ID4: variants seen among roughly 807,000 people sequenced by gnomAD.
ID4 encodes inhibitor of DNA binding 4.
A neutral mutation model predicts 8.6 loss-of-function variants in ID4; 9 were observed. The ratio of observed to expected loss-of-function variants is 1.04; its 90% CI spans 0.63 to 1.82. The LOEUF is 1.82. ID4 is among the 40% of genes most tolerant of loss of function. The pLI is 0.00. For missense variants in ID4, 270 were observed against 235.1 expected, an observed-to-expected ratio of 1.15 and a Z score of -0.97; for synonymous variants, 180 against 118.0, an observed-to-expected ratio of 1.53 and a Z score of -3.41.
rs1190569463 is a variant in ID4 at position 19,842,060 on chromosome 6, T to C, written c.*2865T>C. On this transcript the variant is annotated 3_prime_UTR_variant, in exon 3 of 3. Transcript: ENST00000378700. The stretch of plus-strand genomic sequence containing the variant: ...ATACCTTTTCATTTCAAAGAACTAA[T>C]ATACTTTGATATTGTGTAAACCTTA... Among the ~76,000 whole-genome samples the C allele has an allele frequency of 1.3e-5, 2 of 152,238 alleles. No homozygotes were observed. Among genetic ancestry groups the C allele is most frequent in the Non-Finnish European group, 1.5e-5 (1 of 68,044 alleles).
rs1761247615 is a variant in ID4 at position 19,837,690 on chromosome 6, G to A, written c.-65G>A. 3 of 1,048,008 alleles carry A rather than the reference G, an allele frequency of 2.9e-6. No individual in the cohort carries two copies. Among genetic ancestry groups the A allele is most frequent in the Non-Finnish European group, 3.5e-6 (3 of 864,036 alleles). 64.9% of individuals were successfully genotyped at this position (1,048,008 alleles called of 1,614,324 possible). A position where few individuals can be genotyped will look rare whatever the true frequency, so the allele number is the denominator to read the frequency against. The stretch of plus-strand genomic sequence containing the variant: ...GCGGAGCCGGCCGCGGACGGGGCCC[G>A]GAGCTTGCCTGCCTCCCTCGCTCGC... On this transcript the variant is annotated 5_prime_UTR_variant, in exon 1 of 3. Transcript: ENST00000378700.
rs148659392 is a variant in ID4, at chr6:19,838,625, C to T, written c.483C>T (p.Arg161=). ...VNKQGDSILC[R] ...AGCAGGGCGACAGCATTCTGTGCCG[C>T]TGAGCCGCGCTGTCCAGGTGAGCGC... is the stretch of plus-strand genomic sequence containing the variant. Residue 161 remains arginine, a synonymous_variant, in exon 2 of 3, where the codon CGC becomes CGT. Coordinates refer to ENST00000378700, the MANE Select transcript of ID4 (RefSeq NM_001546.4). The T allele has an allele frequency of 1.7e-4, 271 of 1,613,806 alleles. No homozygotes were observed. Among genetic ancestry groups the T allele is most frequent in the Non-Finnish European group, 1.7e-4 (204 of 1,179,904 alleles).
At position 19,840,657 on chromosome 6, in the gene ID4, ATATT is replaced by A. The variant is rs1761342329; in HGVS notation, c.*1463_*1466del. On this transcript the variant is annotated 3_prime_UTR_variant, in exon 3 of 3. Transcript: ENST00000378700. ...TGTGATGTGTAACTTTTACATGTGA[ATATT>A]AAAGTAGATTTCTCTGTCTTGTACT... 2 of 152,476 alleles carry A rather than the reference ATATT, an allele frequency of 1.3e-5. No individual in the cohort carries two copies. The highest frequency in any genetic ancestry group is 1.3e-4 in the Admixed American group (2 of 15,288). The allele number at this position is 152,476 out of a possible 1,614,324, so 9.4% of individuals were successfully genotyped here. A position where few individuals can be genotyped will look rare whatever the true frequency, so the allele number is the denominator to read the frequency against.
Position 19,842,162 on chromosome 6 carries a change from T to TTGCCTTC in ID4, c.*2969_*2975dup, listed in dbSNP as rs769253105. The stretch of plus-strand genomic sequence containing the variant: ...CGAGCCCACAAATCTATTGTATTAG[T>TTGCCTTC]TGCCTTCTATAACAATAAATCTTCA... On this transcript the variant is annotated 3_prime_UTR_variant, in exon 3 of 3. Transcript: ENST00000378700. Among the ~76,000 whole-genome samples the TTGCCTTC allele has an allele frequency of 8.5e-5, 13 of 152,240 alleles. No individual in the cohort carries two copies. Among genetic ancestry groups the TTGCCTTC allele is most frequent in the Non-Finnish European group, 1.8e-4 (12 of 68,042 alleles).
rs966304487 is a variant in ID4 at position 19,837,586 on chromosome 6, C to T, written c.-169C>T. 37 of 308,096 alleles carry T rather than the reference C, an allele frequency of 1.2e-4. No individual in the cohort carries two copies. The highest frequency in any genetic ancestry group is 1.3e-4 in the Non-Finnish European group (26 of 193,472). 19.1% of individuals were successfully genotyped at this position (308,096 alleles called of 1,614,324 possible). A position where few individuals can be genotyped will look rare whatever the true frequency, so the allele number is the denominator to read the frequency against. ...CTGAGCAAAGATTCCCTCGTAAAACCCAGAGCGACCCTCCCGTCAATTGTT... is the reference window on the plus strand; with the variant it reads ...CTGAGCAAAGATTCCCTCGTAAAACTCAGAGCGACCCTCCCGTCAATTGTT... On this transcript the variant is annotated 5_prime_UTR_variant, in exon 1 of 3. Coordinates refer to ENST00000378700, the MANE Select transcript of ID4 (RefSeq NM_001546.4).
chr6:19,840,509 A>G lies in ID4; in HGVS notation c.*1314A>G, dbSNP rs1761338495. Reference sequence around the variant, plus strand: ...AATGGCAAATCCTTCAAGCAGGGATAAAAGTCGATCTTCAAACATTAACTT... The same window carrying G: ...AATGGCAAATCCTTCAAGCAGGGATGAAAGTCGATCTTCAAACATTAACTT... On this transcript the variant is annotated 3_prime_UTR_variant, in exon 3 of 3. Coordinates refer to ENST00000378700, the MANE Select transcript of ID4 (RefSeq NM_001546.4). 1 of 152,602 alleles carries G rather than the reference A, an allele frequency of 6.6e-6. No homozygotes were observed. 9.5% of individuals were successfully genotyped at this position (152,602 alleles called of 1,614,324 possible). A position where few individuals can be genotyped will look rare whatever the true frequency, so the allele number is the denominator to read the frequency against.
rs1349719032 is a variant in ID4, at chr6:19,842,130, AAAAT to A, written c.*2936_*2939del. Reference sequence around the variant, plus strand: ...TTTAACTGCCTTTTTAGAACTTTTTAAAATTTCGAGCCCACAAATCTATTGTATT... The same window carrying A: ...TTTAACTGCCTTTTTAGAACTTTTTATTCGAGCCCACAAATCTATTGTATT... On this transcript the variant is annotated 3_prime_UTR_variant, in exon 3 of 3. Transcript: ENST00000378700. Among the ~76,000 whole-genome samples, 6 of 152,230 alleles carry A rather than the reference AAAAT, an allele frequency of 3.9e-5. No homozygotes were observed. The highest frequency in any genetic ancestry group is 1.3e-4 in the Admixed American group (2 of 15,290).
Position 19,838,133 on chromosome 6 carries a change from C to G in ID4, c.379C>G (p.Pro127Ala), listed in dbSNP as rs767554782. 43 of 1,567,966 alleles carry G rather than the reference C, an allele frequency of 2.7e-5. No homozygotes were observed. In the East Asian group the frequency reaches 7.9e-4, roughly 29 times the overall value. ...ACCACCGCCCGCGCCGCCACACCAC[C>G]CGGCCGGGACCTGTCCAGCCGCGCC... ...QPPPPAPPHHPAGTCPAAPPR... is the reference protein window; with the variant it reads ...QPPPPAPPHHAAGTCPAAPPR... Residue 127 changes from proline (P) to alanine (A), a missense_variant, in exon 1 of 3, where the codon CCG (proline) becomes GCG (alanine). Physicochemically the swap from Pro to Ala is conservative, Grantham distance 27 (BLOSUM62 -1). Around this residue, in one of 3 missense-constraint regions of ID4, gnomAD observed 107 missense variants for 81.0 expected, o/e 1.32. Coordinates refer to ENST00000378700, the MANE Select transcript of ID4 (RefSeq NM_001546.4).
In ID4 at chr6:19,837,713, C is replaced by A. The variant is rs1420355511; in HGVS notation, c.-42C>A. ...CCGGAGCTTGCCTGCCTCCCTCGCT[C>A]GCCCCAGCGGGTTCGCTCGCGTAGA... On this transcript the variant is annotated 5_prime_UTR_variant, in exon 1 of 3. Transcript: ENST00000378700. The A allele has an allele frequency of 6.4e-6, 7 of 1,092,662 alleles. No homozygotes were observed. Among genetic ancestry groups the A allele is most frequent in the Admixed American group, 5.2e-5 (1 of 19,096 alleles). 67.7% of individuals were successfully genotyped at this position (1,092,662 alleles called of 1,614,324 possible).
In ID4 at chr6:19,839,719, A is replaced by T. The variant is rs770326502; in HGVS notation, c.*524A>T. Reference sequence around the variant, plus strand: ...CATATTGTATAGATAAATGAGTGACATTTCATACCATGTATATATAGAGAT... The same window carrying T: ...CATATTGTATAGATAAATGAGTGACTTTTCATACCATGTATATATAGAGAT... On this transcript the variant is annotated 3_prime_UTR_variant, in exon 3 of 3. Transcript: ENST00000378700. 1 of 152,552 alleles carries T rather than the reference A, an allele frequency of 6.6e-6. No homozygotes were observed. Among genetic ancestry groups the T allele is most frequent in the Non-Finnish European group, 1.5e-5 (1 of 68,036 alleles). The allele number at this position is 152,552 out of a possible 1,614,324, so 9.4% of individuals were successfully genotyped here.
rs562604752 is a variant in ID4 at position 19,840,609 on chromosome 6, C to T, written c.*1414C>T. On this transcript the variant is annotated 3_prime_UTR_variant, in exon 3 of 3. Coordinates refer to ENST00000378700, the MANE Select transcript of ID4 (RefSeq NM_001546.4). ...AATGATTTTCACTATAGCTATGTTACGCTAAGCTACTGTCCAATCTCTTGT... is the reference window on the plus strand; with the variant it reads ...AATGATTTTCACTATAGCTATGTTATGCTAAGCTACTGTCCAATCTCTTGT... The T allele has an allele frequency of 4.6e-5, 7 of 152,606 alleles. No individual in the cohort carries two copies. Among genetic ancestry groups the T allele is most frequent in the South Asian group, 2.1e-4 (1 of 4,822 alleles). The allele number at this position is 152,606 out of a possible 1,614,324, so 9.5% of individuals were successfully genotyped here. A position where few individuals can be genotyped will look rare whatever the true frequency, so the allele number is the denominator to read the frequency against.
At chr6:19,838,739 C>A in intron 2 of ID4, 97 bp downstream of exon 2, 4 of 1,064,304 alleles carry the variant, frequency 3.8e-6, no homozygotes, top group South Asian at 1.4e-5. Context: ...TTGCCCCCAG[C>A]GTTTCTGAGA....
At position 19,842,110 on chromosome 6, in the gene ID4, C is replaced by T. The variant is rs1159839118; in HGVS notation, c.*2915C>T. 2.0e-5 allele frequency among the ~76,000 whole-genome samples: 3 copies of T among 152,210 alleles called. No individual in the cohort carries two copies. Among genetic ancestry groups the T allele is most frequent in the African/African-American group, 7.2e-5 (3 of 41,464 alleles). ...ACTCAAGTTTATTGTCAAGCTTTAA[C>T]TGCCTTTTTAGAACTTTTTAAAATT... On this transcript the variant is annotated 3_prime_UTR_variant, in exon 3 of 3. Transcript: ENST00000378700.
chr6:19,840,510 A>G lies in ID4; in HGVS notation c.*1315A>G, dbSNP rs1033510545. Reference sequence around the variant, plus strand: ...ATGGCAAATCCTTCAAGCAGGGATAAAAGTCGATCTTCAAACATTAACTTA... The same window carrying G: ...ATGGCAAATCCTTCAAGCAGGGATAGAAGTCGATCTTCAAACATTAACTTA... On this transcript the variant is annotated 3_prime_UTR_variant, in exon 3 of 3. Coordinates refer to ENST00000378700, the MANE Select transcript of ID4 (RefSeq NM_001546.4). The G allele has an allele frequency of 2.6e-5, 4 of 152,608 alleles. No homozygotes were observed. Among genetic ancestry groups the G allele is most frequent in the African/African-American group, 9.6e-5 (4 of 41,454 alleles). 9.5% of individuals were successfully genotyped at this position (152,608 alleles called of 1,614,324 possible).
At position 19,837,631 on chromosome 6, in the gene ID4, T is replaced by C; in HGVS notation, c.-124T>C. 1.8e-6 allele frequency: 1 copy of C among 561,124 alleles called. No homozygotes were observed. Among genetic ancestry groups the C allele is most frequent in the Non-Finnish European group, 2.3e-6 (1 of 425,610 alleles). The allele number at this position is 561,124 out of a possible 1,614,324, so 34.8% of individuals were successfully genotyped here. On this transcript the variant is annotated 5_prime_UTR_variant, in exon 1 of 3. Coordinates refer to ENST00000378700, the MANE Select transcript of ID4 (RefSeq NM_001546.4). ...ATTGTTGGGCTCGGGAGTGTCGCGG[T>C]GCCCCGAGCGCGCCGGGCGCGGAGG...
Position 19,841,585 on chromosome 6 carries a change from G to T in ID4, c.*2390G>T, listed in dbSNP as rs922306144. ...ATGTTACTCCTTAAAGTTTGTATTTGGGGCATGAAAAACTACTGAAAGAAG... is the reference window on the plus strand; with the variant it reads ...ATGTTACTCCTTAAAGTTTGTATTTTGGGCATGAAAAACTACTGAAAGAAG... On this transcript the variant is annotated 3_prime_UTR_variant, in exon 3 of 3. Transcript: ENST00000378700. Among the ~76,000 whole-genome samples, 1 of 152,100 alleles carries T rather than the reference G, an allele frequency of 6.6e-6. No homozygotes were observed. Among genetic ancestry groups the T allele is most frequent in the Non-Finnish European group, 1.5e-5 (1 of 68,006 alleles).
rs780479309 is a variant in ID4, at chr6:19,838,102, G to T, written c.348G>T (p.Arg116Ser). The T allele has an allele frequency of 6.3e-7, 1 of 1,598,800 alleles. No individual in the cohort carries two copies. The highest frequency in any genetic ancestry group is 1.7e-5 in the Admixed American group (1 of 58,630). ...TGGAGACGCACCCGGCCCTGCTGAG[G>T]CAGCCACCACCGCCCGCGCCGCCAC... ...LALETHPALLRQPPPPAPPHH... is the reference protein window; with the variant it reads ...LALETHPALLSQPPPPAPPHH... Residue 116 changes from arginine to serine, a missense_variant, in exon 1 of 3, where the codon AGG becomes AGT. Arg to Ser is a moderately radical substitution (Grantham distance 110). Around this residue, in one of 3 missense-constraint regions of ID4, gnomAD observed 107 missense variants for 81.0 expected, o/e 1.32. Coordinates refer to ENST00000378700, the MANE Select transcript of ID4 (RefSeq NM_001546.4).
chr6:19,839,747 T>C lies in ID4; in HGVS notation c.*552T>C, dbSNP rs1761318696. The C allele has an allele frequency of 6.6e-6, 1 of 152,626 alleles. No homozygotes were observed. The highest frequency in any genetic ancestry group is 6.5e-5 in the Admixed American group (1 of 15,278). The allele number at this position is 152,626 out of a possible 1,614,324, so 9.5% of individuals were successfully genotyped here. ...TCATACCATGTATATATAGAGATGT[T>C]CTATAAGTGTGAGAAAGTATATGCT... is the stretch of plus-strand genomic sequence containing the variant. On this transcript the variant is annotated 3_prime_UTR_variant, in exon 3 of 3. Transcript: ENST00000378700.
In ID4 at chr6:19,838,332, G is replaced by A. The variant is rs967242324; in HGVS notation, c.441+137G>A. The A allele has an allele frequency of 1.1e-5, 11 of 1,011,290 alleles. No homozygotes were observed. In the African/African-American group the frequency reaches 1.9e-4, roughly 17 times the overall value. 62.6% of individuals were successfully genotyped at this position (1,011,290 alleles called of 1,614,324 possible). A position where few individuals can be genotyped will look rare whatever the true frequency, so the allele number is the denominator to read the frequency against. On this transcript the variant is annotated intron_variant, in intron 1 of 2. Coordinates refer to ENST00000378700, the MANE Select transcript of ID4 (RefSeq NM_001546.4). ...GACAGCCCCCTCCCCCTGCTCCTCC[G>A]GGCTCCCCCGGGCCGCCAGCAGCCG...
Sources: allele counts gnomAD v4.1 joint callset (sites outside exome capture counted in the v4.1 genomes callset), GRCh38; gene constraint gnomAD v4.1.1; regional missense constraint gnomAD v4.1.1; transcripts MANE v1.5; gene names NCBI Gene and HGNC (gene_info 2026-07-23, HGNC 2026-07-21).